The following HPS3 variants were observed in gnomAD, a reference collection of about 807,000 sequenced individuals.
HPS3 encodes the protein BLOC-2 complex member HPS3.
A neutral mutation model predicts 110.9 loss-of-function variants in HPS3; 79 were observed. The observed-to-expected ratio is 0.71, with a 90% confidence interval of 0.59 to 0.86. The LOEUF is 0.86. HPS3 is among the 40% of genes least tolerant of loss of function. HPS3 has a pLI of 0.00. For missense variants in HPS3, 1,197 were observed against 1,206.2 expected, an observed-to-expected ratio of 0.99 and a Z score of 0.11; for synonymous variants, 428 against 451.0, an observed-to-expected ratio of 0.95 and a Z score of 0.65.
chr3:149,132,407 C>T (rs1403533938), intron 1 of HPS3, among the ~76,000 whole-genome samples: 4 of 152,204 alleles, frequency 2.6e-5, no homozygotes, highest in South Asian at 4.1e-4. Context: ...GCTAAATCTA[C>T]TCTGCCTGTG....
chr3:149,139,806 G>A (rs973974305), intron 1 of HPS3, among the ~76,000 whole-genome samples, 198 bp from the exon 2 acceptor site: 2 of 152,256 alleles, frequency 1.3e-5, no homozygotes, highest in Admixed American at 1.3e-4. Context: ...ACACTCAGAT[G>A]GGAGAGATTG....
Position 149,136,514 on chromosome 3 carries a change from T to TA in HPS3, c.218-3487dup, listed in dbSNP as rs145731744. 4.6e-3 allele frequency among the ~76,000 whole-genome samples: 694 copies of TA among 152,306 alleles called. 6 individuals carry two copies. Among genetic ancestry groups the TA allele is most frequent in the African/African-American group, 0.016 (671 of 41,570 alleles). Reference sequence around the variant, plus strand: ...AAACAGCATTACTGGGCAAAGAACATAAACTTTTGAGCTAACCAGATCTAG... The same window carrying TA: ...AAACAGCATTACTGGGCAAAGAACATAAAACTTTTGAGCTAACCAGATCTAG... On this transcript the variant is annotated intron_variant, in intron 1 of 16. Coordinates refer to ENST00000296051, the MANE Select transcript of HPS3 (RefSeq NM_032383.5).
chr3:149,157,604 C>T, intron 9 of HPS3, 73 bp downstream of exon 9: 9 of 1,354,092 alleles, frequency 6.6e-6, no homozygotes, highest in Non-Finnish European at 9.5e-6. Context: ...GCTTTTCCAT[C>T]TCTGGTAGTT....
intron 4 of HPS3, among the ~76,000 whole-genome samples, chr3:149,142,463 C>T (rs1202282070): frequency 1.3e-5 from 2 of 152,130 alleles, no homozygotes; most frequent in Admixed American, 6.5e-5. Flanking sequence ...GATACTCAGG[C>T]TCTACATGCA....
At chr3:149,171,833 T>A (rs1190231034) in intron 16 of HPS3, among the ~76,000 whole-genome samples, 1 of 151,672 alleles carries the variant, frequency 6.6e-6, no homozygotes, top group Non-Finnish European at 1.5e-5. Flanking sequence ...GCCTCCTGAG[T>A]AGCTAGGATT....
At chr3:149,139,155 G>A (rs1722286539) in intron 1 of HPS3, among the ~76,000 whole-genome samples, 1 of 152,196 alleles carries the variant, frequency 6.6e-6, no homozygotes, top group Admixed American at 6.5e-5. Context: ...AATAAATTAT[G>A]CGTATGTATG....
chr3:149,142,524 G>A (rs1375065344), intron 4 of HPS3, among the ~76,000 whole-genome samples: 2 of 152,220 alleles, frequency 1.3e-5, no homozygotes, highest in Non-Finnish European at 2.9e-5. Context: ...AACTCCCCAA[G>A]AGTCTAATGG....
In HPS3 at chr3:149,153,583, C is replaced by G. The variant is rs1723266987; in HGVS notation, c.1335C>G (p.Ile445Met). The stretch of plus-strand genomic sequence containing the variant: ...CCATCTGTCACTTTAAAAACCACAT[C>G]ATACTTTTGACTAAAGCAGAACCTG... ...LKAICHFKNH[I>M]ILLTKAEPEA... Residue 445 changes from isoleucine (I) to methionine (M), a missense_variant, in exon 7 of 17, where the codon ATC (isoleucine) becomes ATG (methionine). By Grantham distance (10) the Ile-to-Met change is conservative. Transcript: ENST00000296051. The G allele has an allele frequency of 6.2e-7, 1 of 1,614,006 alleles. No homozygotes were observed. The highest frequency in any genetic ancestry group is 1.1e-5 in the South Asian group (1 of 91,090).
At chr3:149,132,845 G>A (rs1721856589) in intron 1 of HPS3, among the ~76,000 whole-genome samples, 1 of 152,226 alleles carries the variant, frequency 6.6e-6, no homozygotes, top group South Asian at 2.1e-4. Context: ...ATTAACAGGA[G>A]TTTGGAAGTA....
chr3:149,144,567 C>T (rs577159596), intron 4 of HPS3, among the ~76,000 whole-genome samples: 108 of 152,284 alleles, frequency 7.1e-4, no homozygotes, highest in African/African-American at 2.5e-3. Context: ...TTTCCTTCCT[C>T]TCTTTTCTTT....
chr3:149,150,454 G>C, intron 5 of HPS3, 145 bp from the exon 6 acceptor site: 1 of 707,066 alleles, frequency 1.4e-6, no homozygotes, highest in South Asian at 1.5e-5. Flanking sequence ...TCCTCTTATT[G>C]AGAAGAAGTT....
chr3:149,150,945 G>T (rs1006035621), intron 6 of HPS3, among the ~76,000 whole-genome samples: 1 of 152,130 alleles, frequency 6.6e-6, no homozygotes, highest in Non-Finnish European at 1.5e-5. Context: ...AATATAAAAA[G>T]TGTGAACTGA....
chr3:149,162,111 T>G (rs1424240722), intron 11 of HPS3, 37 bp from the exon 12 acceptor site: 2 of 1,529,028 alleles, frequency 1.3e-6, no homozygotes, highest in Admixed American at 3.3e-5. Context: ...CTAAATACAA[T>G]GTACCTTTTG....
At chr3:149,151,155 G>GCAC (rs1222614200) in intron 6 of HPS3, among the ~76,000 whole-genome samples, 1 of 151,452 alleles carries the variant, frequency 6.6e-6, no homozygotes, top group African/African-American at 2.4e-5. Context: ...CTACAGGTGT[G>GCAC]CACCACCATG....
rs772860370 is a variant in HPS3 at position 149,140,179 on chromosome 3, GCTTTCGGAGGCCC to G, written c.395_407del (p.Leu132ProfsTer9). Reference sequence around the variant, plus strand: ...ACCAGATGTACATTATTGAAATGCCGCTTTCGGAGGCCCCCTTGTGCATTTCCTGTTGCCCTGT... The same window carrying G: ...ACCAGATGTACATTATTGAAATGCCGCCTTGTGCATTTCCTGTTGCCCTGT... On this transcript the variant is annotated frameshift_variant, in exon 2 of 17. Transcript: ENST00000296051. LOFTEE classifies it high-confidence loss of function. 18 of 1,614,166 alleles carry G rather than the reference GCTTTCGGAGGCCC, an allele frequency of 1.1e-5. No individual in the cohort carries two copies. Among genetic ancestry groups the G allele is most frequent in the Non-Finnish European group, 1.5e-5 (18 of 1,180,008 alleles).
chr3:149,153,640 G>C lies in HPS3; in HGVS notation c.1392G>C (p.Lys464Asn). The change falls in exon 7 of 17, where the codon AAG (lysine) becomes AAC (asparagine). Residue 464 changes from lysine (K) to asparagine (N), a missense_variant. Coordinates refer to ENST00000296051, the MANE Select transcript of HPS3 (RefSeq NM_032383.5). ...EAIPERRQSP[K>N]RLLSRKDTSV... is the part of the protein sequence containing the mutation. The stretch of plus-strand genomic sequence containing the variant: ...TTCCAGAGAGAAGACAGTCACCCAA[G>C]AGGCTTCTGTAAGCATCCCCTTGCC... The C allele has an allele frequency of 3.1e-6, 5 of 1,614,172 alleles. No individual in the cohort carries two copies. Among genetic ancestry groups the C allele is most frequent in the Non-Finnish European group, 3.4e-6 (4 of 1,180,002 alleles).
At position 149,167,992 on chromosome 3, in the gene HPS3, A is replaced by ATT. The variant is rs397710976; in HGVS notation, c.2887+18_2887+19dup. ...CCTGTCATCATTAAAAGGTAAAATG[A>ATT]TTTTTTTTTTGCTTGATTATAAACT... On this transcript the variant is annotated intron_variant, in intron 16 of 16. Transcript: ENST00000296051. 9.8e-3 allele frequency: 12,565 copies of ATT among 1,287,910 alleles called. 26 individuals are homozygous for ATT. Among genetic ancestry groups the ATT allele is most frequent in the South Asian group, 0.019 (1,500 of 80,530 alleles). 79.8% of individuals were successfully genotyped at this position (1,287,910 alleles called of 1,614,324 possible).
rs372811531 is a variant in HPS3 at position 149,155,164 on chromosome 3, G to C, written c.1458G>C (p.Trp486Cys). 4.3e-6 allele frequency: 7 copies of C among 1,610,318 alleles called. No homozygotes were observed. The African/African-American group carries it at 9.3e-5, about 21-fold the overall frequency. ...TACCTCCTGTAGCTGAGGCTGGGTG[G>C]AATTTGTATATTGTGAATACGATCT... Reference protein sequence around the residue: ...IKIPPVAEAGWNLYIVNTISP... With the variant: ...IKIPPVAEAGCNLYIVNTISP... The change falls in exon 8 of 17, where the codon TGG (tryptophan) becomes TGC (cysteine). Residue 486 changes from tryptophan (W) to cysteine (C), a missense_variant. Coordinates refer to ENST00000296051, the MANE Select transcript of HPS3 (RefSeq NM_032383.5).
At chr3:149,136,827 A>G (rs1456213860) in intron 1 of HPS3, among the ~76,000 whole-genome samples, 4 of 152,244 alleles carry the variant, frequency 2.6e-5, no homozygotes, top group Non-Finnish European at 4.4e-5. Flanking sequence ...ATTAGTTAAT[A>G]TATGAATTTT....
Sources: allele counts gnomAD v4.1 joint callset (sites outside exome capture counted in the v4.1 genomes callset), GRCh38; gene constraint gnomAD v4.1.1; transcripts MANE v1.5; gene names NCBI Gene and HGNC (gene_info 2026-07-23, HGNC 2026-07-21).